The following CDH12 variants were observed in gnomAD, a reference collection of about 807,000 sequenced individuals.
CDH12 encodes the protein cadherin-12.
Under a neutral mutation model 74.1 loss-of-function variants are expected in CDH12, and 41 were observed. That is an observed-to-expected ratio of 0.55 (90% CI 0.43 to 0.72). The LOEUF is 0.72. Among genes scored for constraint, CDH12 ranks in the 30% least tolerant of loss-of-function variants. The pLI is 0.00. For synonymous variants in CDH12, 399 were observed against 355.0 expected (o/e 1.12, Z -1.39); for missense variants, 945 against 977.2 (o/e 0.97, Z 0.44).
intron 4 of CDH12, among the ~76,000 whole-genome samples, chr5:22,092,815 A>G (rs1429797070): frequency 1.3e-5 from 2 of 152,214 alleles, no homozygotes; most frequent in Non-Finnish European, 2.9e-5. Flanking sequence ...TCCCAGCAGC[A>G]TTATTAATCA....
chr5:22,719,776 T>A (rs1269739580), intron 1 of CDH12, among the ~76,000 whole-genome samples: 1 of 152,174 alleles, frequency 6.6e-6, no homozygotes, highest in African/African-American at 2.4e-5. Flanking sequence ...TTTAGTGGAC[T>A]CTACATGGTT....
chr5:22,390,746 C>T (rs1027115241), intron 3 of CDH12, among the ~76,000 whole-genome samples: 2 of 152,076 alleles, frequency 1.3e-5, no homozygotes, highest in Admixed American at 1.3e-4. Context: ...TGGTCACGAA[C>T]ACAAAAGCAA....
intron 5 of CDH12, among the ~76,000 whole-genome samples, chr5:21,995,998 G>A (rs1336506558): frequency 6.6e-6 from 1 of 151,152 alleles, no homozygotes; most frequent in Non-Finnish European, 1.5e-5. Context: ...TTGGTTCTGA[G>A]TACACGTTGG....
chr5:22,240,744 G>A (rs1752719815), intron 3 of CDH12, among the ~76,000 whole-genome samples: 1 of 152,096 alleles, frequency 6.6e-6, no homozygotes, highest in Non-Finnish European at 1.5e-5. Context: ...ATGTTGACCA[G>A]GCTGGTCTCA....
intron 5 of CDH12, among the ~76,000 whole-genome samples, chr5:22,036,116 CTAA>C (rs1461792867): frequency 2.0e-5 from 3 of 152,156 alleles, no homozygotes; most frequent in Non-Finnish European, 2.9e-5. Flanking sequence ...CTGCACTGAA[CTAA>C]TAATGAAAAT....
At chr5:22,493,726 G>A (rs1342952430) in intron 2 of CDH12, among the ~76,000 whole-genome samples, 1 of 152,130 alleles carries the variant, frequency 6.6e-6, no homozygotes, top group African/African-American at 2.4e-5. Context: ...TGAGATGGGA[G>A]GAAAGGCTGG....
chr5:22,495,891 T>C (rs1030514818), intron 2 of CDH12, among the ~76,000 whole-genome samples: 1 of 152,200 alleles, frequency 6.6e-6, no homozygotes, highest in African/African-American at 2.4e-5. Context: ...ATTCTATTCC[T>C]TGAAAATTCT....
intron 1 of CDH12, among the ~76,000 whole-genome samples, chr5:22,783,589 T>C (rs1747486404): frequency 6.6e-6 from 1 of 152,176 alleles, no homozygotes; most frequent in South Asian, 2.1e-4. Flanking sequence ...TGCAGAATTA[T>C]TTGAGAAAAT....
At chr5:22,747,880 T>C (rs545471997) in intron 1 of CDH12, among the ~76,000 whole-genome samples, 1 of 152,316 alleles carries the variant, frequency 6.6e-6, no homozygotes, top group East Asian at 1.9e-4. Flanking sequence ...AGGAATAGGG[T>C]GTGCTTGCAC....
chr5:22,025,372 T>C (rs910928902), intron 5 of CDH12, among the ~76,000 whole-genome samples: 4 of 152,162 alleles, frequency 2.6e-5, no homozygotes, highest in African/African-American at 4.8e-5. Flanking sequence ...CCAGCACTTA[T>C]AAAAGTTATG....
chr5:22,102,131 CT>C (rs1381677899), intron 4 of CDH12, among the ~76,000 whole-genome samples: 1 of 152,138 alleles, frequency 6.6e-6, no homozygotes, highest in African/African-American at 2.4e-5. Flanking sequence ...TGGCGTCAGA[CT>C]TTCCCCATCT....
chr5:22,461,424 T>C (rs1306556665), intron 2 of CDH12, among the ~76,000 whole-genome samples: 1 of 151,298 alleles, frequency 6.6e-6, no homozygotes, highest in Non-Finnish European at 1.5e-5. Context: ...AATGAACATG[T>C]ATTCAAGTGA....
chr5:22,463,834 C>A (rs750312904), intron 2 of CDH12, among the ~76,000 whole-genome samples: 68 of 151,998 alleles, frequency 4.5e-4, no homozygotes, highest in Non-Finnish European at 9.3e-4. Context: ...TTTTTAAAAA[C>A]CCTATTCAGA....
At chr5:22,513,521 T>A (rs1442328356) in intron 1 of CDH12, among the ~76,000 whole-genome samples, 2 of 152,330 alleles carry the variant, frequency 1.3e-5, no homozygotes, top group South Asian at 4.1e-4. Context: ...CTGAGTATCT[T>A]CTACGTATCA....
chr5:22,729,336 T>G lies in CDH12; in HGVS notation c.-523+123722A>C, dbSNP rs527253085. On this transcript the variant is annotated intron_variant, in intron 1 of 14. Transcript: ENST00000382254. ...TAACTTCAAGCCATCCAGGGCATGATGAATCCCTCTTCATGCTTCAAATCT... is the reference window on the plus strand; with the variant it reads ...TAACTTCAAGCCATCCAGGGCATGAGGAATCCCTCTTCATGCTTCAAATCT... Among the ~76,000 whole-genome samples the G allele has an allele frequency of 2.6e-5, 4 of 151,996 alleles. No individual in the cohort carries two copies. The South Asian group carries it at 8.3e-4, about 31-fold the overall frequency.
At position 22,413,462 on chromosome 5, in the gene CDH12, T is replaced by C. The variant is rs139637220; in HGVS notation, c.-427-8111A>G. On this transcript the variant is annotated intron_variant, in intron 2 of 14. Transcript: ENST00000382254. ...CACAAAACTGTTAAGTAATTTTGAC[T>C]ATACCAACATGAAAGTTATGAGTGA... 8.5e-5 allele frequency among the ~76,000 whole-genome samples: 13 copies of C among 152,120 alleles called. No individual in the cohort carries two copies. In the East Asian group the frequency reaches 2.5e-3, roughly 29 times the overall value.
chr5:22,607,858 G>A (rs1314834222), intron 1 of CDH12, among the ~76,000 whole-genome samples: 1 of 152,218 alleles, frequency 6.6e-6, no homozygotes, highest in Non-Finnish European at 1.5e-5. Flanking sequence ...ATGTGGTGTT[G>A]AGCCTAAGGG....
intron 4 of CDH12, among the ~76,000 whole-genome samples, chr5:22,166,196 A>G (rs1211623626): frequency 2.0e-5 from 3 of 151,568 alleles, no homozygotes; most frequent in Non-Finnish European, 4.4e-5. Context: ...GCTAGTTCCT[A>G]TCTTACACTG....
At chr5:22,787,507 A>G (rs534300718) in intron 1 of CDH12, among the ~76,000 whole-genome samples, 39 of 152,320 alleles carry the variant, frequency 2.6e-4, no homozygotes, top group African/African-American at 6.3e-4. Context: ...TTAATGTATT[A>G]GTGATTCATT....
Sources: gnomAD v4.1 joint callset for allele counts (sites outside exome capture counted in the v4.1 genomes callset) on GRCh38, gnomAD v4.1.1 for gene constraint, MANE v1.5 for transcripts, NCBI Gene and HGNC (gene_info 2026-07-23, HGNC 2026-07-21) for gene names.